ZBTB17: variants seen among roughly 807,000 people sequenced by gnomAD.
ZBTB17 encodes the protein zinc finger and BTB domain-containing protein 17.
Under a neutral mutation model 85.1 loss-of-function variants are expected in ZBTB17, and 24 were observed. That is an observed-to-expected ratio of 0.28 (90% CI 0.20 to 0.40). The LOEUF is 0.40. ZBTB17 is among the 10% of genes least tolerant of loss of function. The pLI, the probability that ZBTB17 is intolerant of heterozygous loss-of-function variation, is 1.00. For synonymous variants in ZBTB17, 464 were observed against 460.2 expected (o/e 1.01, Z -0.11); for missense variants, 743 against 1,105.1 (o/e 0.67, Z 4.65).
chr1:15,945,881 G>T (rs772292213), intron 5 of ZBTB17, 41 bp from the exon 6 acceptor site: 1 of 1,571,260 alleles, frequency 6.4e-7, no homozygotes, highest in East Asian at 2.2e-5. Flanking sequence ...GCTACCCTCT[G>T]CCCAGGGGTC....
chr1:15,942,898 A>G (rs1007551883), intron 13 of ZBTB17, 160 bp from the exon 14 acceptor site: 13 of 1,331,122 alleles, frequency 9.8e-6, no homozygotes, highest in Non-Finnish European at 1.3e-5. Flanking sequence ...CACCTCTGGA[A>G]GCTCTAGGAA....
chr1:15,946,919 G>A lies in ZBTB17; in HGVS notation c.394+16C>T. On this transcript the variant is annotated intron_variant, in intron 4 of 15. Transcript: ENST00000375743. Reference sequence around the variant, plus strand: ...GTCTCTGGCCATCTGCTTGGGAGCAGCTGCCAATAACCTACCTTCTGTGGC... The same window carrying A: ...GTCTCTGGCCATCTGCTTGGGAGCAACTGCCAATAACCTACCTTCTGTGGC... The A allele has an allele frequency of 6.3e-7, 1 of 1,596,800 alleles. No individual in the cohort carries two copies. Among genetic ancestry groups the A allele is most frequent in the South Asian group, 1.1e-5 (1 of 90,448 alleles).
In ZBTB17 at chr1:15,962,933, C is replaced by T. The variant is rs571401212; in HGVS notation, c.-3+10106G>A. Among the ~76,000 whole-genome samples the T allele has an allele frequency of 7.9e-5, 12 of 152,164 alleles. 1 individual carries two copies. In the South Asian group the frequency reaches 2.5e-3, roughly 32 times the overall value. ...AACCACTGCACTCCAGCCTGAGCAACAGCGAGACCCTGTTTCTAAAAAAAA... is the reference window on the plus strand; with the variant it reads ...AACCACTGCACTCCAGCCTGAGCAATAGCGAGACCCTGTTTCTAAAAAAAA... On this transcript the variant is annotated intron_variant, in intron 2 of 15. Transcript: ENST00000375743.
rs1286071187 is a variant in ZBTB17, at chr1:15,966,881, C to T, written c.-3+6158G>A. ...TATAATCCCAGCACTGCACTCCAAC[C>T]TGGGCGAAAGAGCGAGACCCTGTCT... On this transcript the variant is annotated intron_variant, in intron 2 of 15. Transcript: ENST00000375743. The surrounding 1 kb of genome is among the most constrained non-coding windows in gnomAD (Gnocchi z 4.1). 6.6e-6 allele frequency among the ~76,000 whole-genome samples: 1 copy of T among 150,990 alleles called. No homozygotes were observed. Among genetic ancestry groups the T allele is most frequent in the Admixed American group, 6.6e-5 (1 of 15,172 alleles).
At chr1:15,944,642 C>G (rs763390768) in intron 8 of ZBTB17, 42 bp from the exon 9 acceptor site, 4 of 1,600,832 alleles carry the variant, frequency 2.5e-6, no homozygotes, top group East Asian at 4.5e-5. Flanking sequence ...CTCGCTGGGG[C>G]GTGAAAGGCC....
At chr1:15,967,260 C>A (rs1193424845) in intron 2 of ZBTB17, among the ~76,000 whole-genome samples, 2 of 150,148 alleles carry the variant, frequency 1.3e-5, no homozygotes, top group Non-Finnish European at 3.0e-5. Flanking sequence ...CTAGTAGTCC[C>A]AGCTACTTGG....
chr1:15,957,178 C>T (rs919129071), intron 2 of ZBTB17, among the ~76,000 whole-genome samples: 15 of 87,386 alleles, frequency 1.7e-4, no homozygotes, highest in Middle Eastern at 7.0e-3. Context: ...GACTCCATCT[C>T]AAAAAAAAAA....
chr1:15,967,146 T>C (rs1028379598), intron 2 of ZBTB17, among the ~76,000 whole-genome samples: 1 of 151,958 alleles, frequency 6.6e-6, no homozygotes, highest in African/African-American at 2.4e-5. Context: ...ATGGCGCAGG[T>C]AGGTGGATCA....
In ZBTB17 at chr1:15,951,955, C is replaced by T. The variant is rs1270150043; in HGVS notation, c.-2-3458G>A. On this transcript the variant is annotated intron_variant, in intron 2 of 15. Transcript: ENST00000375743. The surrounding 1 kb of genome is among the most constrained non-coding windows in gnomAD (Gnocchi z 4.1). ...AACACAGGGTGAAGAAATACTGTTC[C>T]CACCAGGCAGCCTGCCCCACCCCAC... Among the ~76,000 whole-genome samples the T allele has an allele frequency of 6.6e-6, 1 of 152,098 alleles. No individual in the cohort carries two copies. Among genetic ancestry groups the T allele is most frequent in the Non-Finnish European group, 1.5e-5 (1 of 68,002 alleles).
chr1:15,949,050 C>G (rs1442954711), intron 2 of ZBTB17, among the ~76,000 whole-genome samples: 1 of 152,134 alleles, frequency 6.6e-6, no homozygotes. Flanking sequence ...TGCACGTACC[C>G]CATCCCCCGA....
At chr1:15,946,418 G>T in intron 4 of ZBTB17, 124 bp from the exon 5 acceptor site, 1 of 1,436,224 alleles carries the variant, frequency 7.0e-7, no homozygotes, top group Non-Finnish European at 9.3e-7. Context: ...GTAGTGGTTT[G>T]CTGATTTGTT....
At chr1:15,971,491 C>CTA (rs59647978) in intron 2 of ZBTB17, among the ~76,000 whole-genome samples, 6 of 34,668 alleles carry the variant, frequency 1.7e-4, no homozygotes, top group African/African-American at 2.5e-4. Context: ...TATACACACA[C>CTA]TATATATATA....
chr1:15,948,484 G>A lies in ZBTB17; in HGVS notation c.12C>T (p.Pro4=). Reference sequence around the variant, plus strand: ...GTTCCAAGACATGCTGGCTGTGCTGGGGAAAGTCCATGGCTGAAGAAAGCC... The same window carrying A: ...GTTCCAAGACATGCTGGCTGTGCTGAGGAAAGTCCATGGCTGAAGAAAGCC... The part of the protein sequence containing the change: MDF[P]QHSQHVLEQL... The change falls in exon 3 of 16, where the codon CCC becomes CCT. Residue 4 remains proline (P), a synonymous_variant. Transcript: ENST00000375743. The A allele has an allele frequency of 6.2e-7, 1 of 1,613,662 alleles. No individual in the cohort carries two copies. The highest frequency in any genetic ancestry group is 2.2e-5 in the East Asian group (1 of 44,886).
chr1:15,975,952 TC>T, intron 1 of ZBTB17, 30 bp downstream of exon 1: 2 of 697,780 alleles, frequency 2.9e-6, no homozygotes, highest in Admixed American at 2.0e-5. Flanking sequence ...TCCCGGGACT[TC>T]CCCGGCCCCG....
At position 15,951,273 on chromosome 1, in the gene ZBTB17, G is replaced by A. The variant is rs188724987; in HGVS notation, c.-2-2776C>T. Reference sequence around the variant, plus strand: ...GAAGGGGGGAGGAAGAAGTGAAGATGGGCAAAGTAAGGGAAGGAAAGGAGA... The same window carrying A: ...GAAGGGGGGAGGAAGAAGTGAAGATAGGCAAAGTAAGGGAAGGAAAGGAGA... On this transcript the variant is annotated intron_variant, in intron 2 of 15. Transcript: ENST00000375743. This position sits in a 1 kb window ranked among gnomAD's most constrained non-coding sequence, Gnocchi z 4.1. Among the ~76,000 whole-genome samples the A allele has an allele frequency of 6.6e-6, 1 of 152,064 alleles. No homozygotes were observed. The highest frequency in any genetic ancestry group is 6.5e-5 in the Admixed American group (1 of 15,276).
chr1:15,956,139 G>A (rs531237752), intron 2 of ZBTB17, among the ~76,000 whole-genome samples: 1 of 152,290 alleles, frequency 6.6e-6, no homozygotes, highest in Admixed American at 6.5e-5. Flanking sequence ...TGGGACTTGG[G>A]CAGTACCTGA....
At position 15,966,935 on chromosome 1, in the gene ZBTB17, T is replaced by TA. The variant is rs1201673591; in HGVS notation, c.-3+6103dup. The stretch of plus-strand genomic sequence containing the variant: ...AAATTAAATTAATTAATTAATTAAT[T>TA]AAAAAACAAAAAAAAAAGCCGTGGC... On this transcript the variant is annotated intron_variant, in intron 2 of 15. Coordinates refer to ENST00000375743, the MANE Select transcript of ZBTB17 (RefSeq NM_003443.3). The surrounding 1 kb of genome is among the most constrained non-coding windows in gnomAD (Gnocchi z 4.1). Among the ~76,000 whole-genome samples the TA allele has an allele frequency of 5.4e-5, 8 of 147,228 alleles. No individual in the cohort carries two copies. The highest frequency in any genetic ancestry group is 1.5e-4 in the African/African-American group (6 of 38,894).
chr1:15,945,078 G>A lies in ZBTB17; in HGVS notation c.786C>T (p.Ala262=). 1 of 1,611,768 alleles carries A rather than the reference G, an allele frequency of 6.2e-7. No individual in the cohort carries two copies. Among genetic ancestry groups the A allele is most frequent in the Non-Finnish European group, 8.5e-7 (1 of 1,179,294 alleles). The change falls in exon 7 of 16, where the codon GCC becomes GCT. Residue 262 remains alanine, a synonymous_variant. Transcript: ENST00000375743. The part of the protein sequence containing the change: ...EEGSQLENGE[A]PEENENEESA... Reference sequence around the variant, plus strand: ...ACTCCTCATTCTCGTTCTCCTCGGGGGCCTCTCCGTTCTCCAGCTGGGAAC... The same window carrying A: ...ACTCCTCATTCTCGTTCTCCTCGGGAGCCTCTCCGTTCTCCAGCTGGGAAC...
intron 7 of ZBTB17, 38 bp downstream of exon 7, chr1:15,944,899 G>T: frequency 6.4e-7 from 1 of 1,562,478 alleles, no homozygotes. Flanking sequence ...CGGAGGGGAG[G>T]GACGCTGGCT....
Sources: gnomAD v4.1 joint callset for allele counts (sites outside exome capture counted in the v4.1 genomes callset) on GRCh38, gnomAD v4.1.1 for gene constraint, Gnocchi (gnomAD v3.1) non-coding constraint, MANE v1.5 for transcripts, NCBI Gene and HGNC (gene_info 2026-07-23, HGNC 2026-07-21) for gene names.